LGR6: variants seen among roughly 807,000 people sequenced by gnomAD.
LGR6 encodes leucine rich repeat containing G protein-coupled receptor 6.
Under a neutral mutation model 69.4 loss-of-function variants are expected in LGR6, and 45 were observed. The observed-to-expected ratio is 0.65, with a 90% CI of 0.51 to 0.83. The LOEUF is 0.83. Ranked by LOEUF, LGR6 falls within the 40% of genes least tolerant of loss-of-function variation. LGR6 has a pLI of 0.00. For missense variants in LGR6, 1,108 were observed against 1,246.7 expected, an observed-to-expected ratio of 0.89 and a Z score of 1.68; for synonymous variants, 538 against 555.0, an observed-to-expected ratio of 0.97 and a Z score of 0.43.
rs1031434876 is a variant in LGR6, at chr1:202,268,234, C to T, written c.429-8072C>T. Among the ~76,000 whole-genome samples the T allele has an allele frequency of 7.2e-5, 11 of 152,194 alleles. No individual in the cohort carries two copies. The highest frequency in any genetic ancestry group is 1.6e-4 in the Non-Finnish European group (11 of 68,028). On this transcript the variant is annotated intron_variant, in intron 4 of 17. Transcript: ENST00000367278. This position sits in a 1 kb window ranked among gnomAD's most constrained non-coding sequence, Gnocchi z 4.4. ...CCGTGGCCCTCCGTGCAGAAGCTGG[C>T]ACCTGGCACTGGCGGCTGGTGCTGG...
Position 202,239,114 on chromosome 1 carries a change from AG to A in LGR6, c.428+3125del, listed in dbSNP as rs546436360. 4.6e-4 allele frequency among the ~76,000 whole-genome samples: 70 copies of A among 152,106 alleles called. No homozygotes were observed. The South Asian group carries it at 5.8e-3, about 13-fold the overall frequency. The stretch of plus-strand genomic sequence containing the variant: ...CCGGATGGCCTCTTTCTCCATCTTC[AG>A]GGGTAGGTGTCTTCCAACCAGGGTA... On this transcript the variant is annotated intron_variant, in intron 4 of 17. Transcript: ENST00000367278.
chr1:202,248,367 G>C lies in LGR6; in HGVS notation c.428+12374G>C, dbSNP rs147068396. Among the ~76,000 whole-genome samples the C allele has an allele frequency of 1.9e-3, 291 of 152,342 alleles. 1 individual carries two copies. The Middle Eastern group carries it at 0.048, about 25-fold the overall frequency. ...GCCTGCAGATGCTTTTTTGGCTCTG[G>C]AAGGGGATGATCTATTTATGAGCCT... On this transcript the variant is annotated intron_variant, in intron 4 of 17. Coordinates refer to ENST00000367278, the MANE Select transcript of LGR6 (RefSeq NM_001017403.2).
chr1:202,290,988 G>A (rs1666753555), intron 6 of LGR6, among the ~76,000 whole-genome samples: 1 of 152,200 alleles, frequency 6.6e-6, no homozygotes, highest in African/African-American at 2.4e-5. Flanking sequence ...TCTGAAGTTG[G>A]CCATTTCTGC....
Position 202,257,831 on chromosome 1 carries a change from C to T in LGR6, c.429-18475C>T, listed in dbSNP as rs953851567. Among the ~76,000 whole-genome samples, 122 of 152,062 alleles carry T rather than the reference C, an allele frequency of 8.0e-4. 6 individuals are homozygous for T. The highest frequency in any genetic ancestry group is 2.1e-4 in the Non-Finnish European group (14 of 67,932). On this transcript the variant is annotated intron_variant, in intron 4 of 17. Coordinates refer to ENST00000367278, the MANE Select transcript of LGR6 (RefSeq NM_001017403.2). ...ATTTCCATATAAATTTTAGAATCAG[C>T]TTGTCAACTTCTGAAAAAAGACCAC...
intron 3 of LGR6, among the ~76,000 whole-genome samples, chr1:202,229,808 T>C (rs1660864624): frequency 6.6e-6 from 1 of 152,182 alleles, no homozygotes; most frequent in African/African-American, 2.4e-5. Context: ...CCCAAAGCCT[T>C]TGTGTCAGTC....
chr1:202,317,107 G>A (rs1195796592), intron 17 of LGR6, among the ~76,000 whole-genome samples: 3 of 152,208 alleles, frequency 2.0e-5, no homozygotes, highest in Non-Finnish European at 4.4e-5. Context: ...GGAGGACTTA[G>A]TGGATCACTG....
At chr1:202,312,896 G>A (rs1178002502) in intron 16 of LGR6, among the ~76,000 whole-genome samples, 2 of 152,140 alleles carry the variant, frequency 1.3e-5, no homozygotes, top group Non-Finnish European at 2.9e-5. Flanking sequence ...AGAGTTCACA[G>A]GCCCTAGTTT....
intron 1 of LGR6, among the ~76,000 whole-genome samples, chr1:202,201,877 TATC>T (rs1168246053): frequency 6.6e-6 from 1 of 152,154 alleles, no homozygotes; most frequent in African/African-American, 2.4e-5. Context: ...GTGTGGAGAT[TATC>T]ATCAGCGTTG....
intron 14 of LGR6, among the ~76,000 whole-genome samples, chr1:202,308,046 A>G (rs560011497): frequency 6.6e-6 from 1 of 152,286 alleles, no homozygotes; most frequent in Non-Finnish European, 1.5e-5. Context: ...ACATCTACCT[A>G]GACTGGGCCC....
At chr1:202,228,560 G>A (rs1660752718) in intron 3 of LGR6, among the ~76,000 whole-genome samples, 1 of 152,168 alleles carries the variant, frequency 6.6e-6, no homozygotes, top group East Asian at 1.9e-4. Flanking sequence ...GTGAGAGTTG[G>A]AGAGGACCTT....
rs554850122 is a variant in LGR6, at chr1:202,217,072, G to A, written c.213-8351G>A. On this transcript the variant is annotated intron_variant, in intron 1 of 17. Transcript: ENST00000367278. ...AGCTAGAGATGTCCCCTCAGCCTGC[G>A]ATGGGCCTAAGTCCCTCCCAGGAGG... is the stretch of plus-strand genomic sequence containing the variant. 2.5e-3 allele frequency among the ~76,000 whole-genome samples: 384 copies of A among 152,300 alleles called. 1 individual carries two copies. The highest frequency in any genetic ancestry group is 8.7e-3 in the African/African-American group (362 of 41,572).
chr1:202,301,990 G>T (rs1006309581), intron 9 of LGR6, among the ~76,000 whole-genome samples: 1 of 152,064 alleles, frequency 6.6e-6, no homozygotes, highest in Non-Finnish European at 1.5e-5. Context: ...TTGCACTCCA[G>T]CCTGGGCAAC....
rs751691331 is a variant in LGR6, at chr1:202,319,129, A to C, written c.2826A>C (p.Gly942=). 1.2e-6 allele frequency: 2 copies of C among 1,614,192 alleles called. No individual in the cohort carries two copies. Among genetic ancestry groups the C allele is most frequent in the Admixed American group, 1.7e-5 (1 of 60,012 alleles). The change falls in exon 18 of 18, where the codon GGA becomes GGC. Residue 942 remains glycine (G), a synonymous_variant. Coordinates refer to ENST00000367278, the MANE Select transcript of LGR6 (RefSeq NM_001017403.2). ...MDGELLLRAE[G]STPAGGGLSG... is the part of the protein sequence containing the mutation. ...GAGAACTGCTGCTGAGGGCAGAGGG[A>C]TCTACGCCAGCAGGTGGAGGCTTGT...
chr1:202,220,054 A>AT (rs1470699042), intron 1 of LGR6, among the ~76,000 whole-genome samples: 2 of 151,146 alleles, frequency 1.3e-5, no homozygotes, highest in Non-Finnish European at 3.0e-5. Context: ...ATTTTTTTGT[A>AT]TTTTTAGTAG....
chr1:202,212,849 C>T (rs1286716596), intron 1 of LGR6, among the ~76,000 whole-genome samples: 2 of 152,176 alleles, frequency 1.3e-5, no homozygotes, highest in African/African-American at 4.8e-5. Context: ...CCCATGCTAA[C>T]ACCCCCAGCT....
At chr1:202,204,370 ACCTC>A (rs758192031) in intron 1 of LGR6, among the ~76,000 whole-genome samples, 1 of 102,860 alleles carries the variant, frequency 9.7e-6, no homozygotes, top group Non-Finnish European at 1.9e-5. Flanking sequence ...ACACACACAC[ACCTC>A]CACACACACA....
intron 14 of LGR6, among the ~76,000 whole-genome samples, chr1:202,308,376 A>G (rs1325676017): frequency 7.9e-5 from 12 of 152,200 alleles, no homozygotes; most frequent in Non-Finnish European, 1.6e-4. Context: ...TTGGTTACAC[A>G]GCGAGTTGGT....
At chr1:202,201,169 C>T (rs1658822313) in intron 1 of LGR6, among the ~76,000 whole-genome samples, 1 of 152,216 alleles carries the variant, frequency 6.6e-6, no homozygotes, top group Non-Finnish European at 1.5e-5. Context: ...TCTGCCTCTC[C>T]TGTCTGCTCC....
At chr1:202,194,505 G>A (rs778938005) in intron 1 of LGR6, 5 of 655,288 alleles carry the variant, frequency 7.6e-6, no homozygotes, top group Non-Finnish European at 1.2e-5. Flanking sequence ...GGGAGGGCGC[G>A]GGGCTGGCTG....
Sources: gnomAD v4.1 joint callset for allele counts (sites outside exome capture counted in the v4.1 genomes callset) on GRCh38, gnomAD v4.1.1 for gene constraint, Gnocchi (gnomAD v3.1) non-coding constraint, MANE v1.5 for transcripts, NCBI Gene and HGNC (gene_info 2026-07-23, HGNC 2026-07-21) for gene names.